Variants in WWOX observed in about 807,000 individuals in gnomAD.
WWOX encodes the protein WW domain containing oxidoreductase, also known as WW domain-containing oxidoreductase.
Under a neutral mutation model 46.2 loss-of-function variants are expected in WWOX, and 69 were observed. The ratio of observed to expected loss-of-function variants is 1.49; its 90% CI spans 1.23 to 1.82. The LOEUF (loss-of-function observed/expected upper bound fraction) is 1.82, where lower values mean the gene tolerates loss of function less well. Among genes scored for constraint, WWOX ranks in the 40% most tolerant of loss-of-function variants. WWOX has a pLI of 0.00. For synonymous variants in WWOX, 359 were observed against 202.6 expected (o/e 1.77, Z -6.56); for missense variants, 919 against 542.6 (o/e 1.69, Z -6.89).
At chr16:79,154,631 TA>T (rs1198263513) in intron 8 of WWOX, among the ~76,000 whole-genome samples, 1 of 152,142 alleles carries the variant, frequency 6.6e-6, no homozygotes, top group East Asian at 1.9e-4. Context: ...TTGCAACATT[TA>T]AAAAAAATAC....
intron 8 of WWOX, among the ~76,000 whole-genome samples, chr16:79,150,016 A>G (rs1008254212): frequency 1.3e-5 from 2 of 152,206 alleles, no homozygotes; most frequent in African/African-American, 4.8e-5. Context: ...ATGGGAACCT[A>G]AGAAGGAAAT....
intron 8 of WWOX, among the ~76,000 whole-genome samples, chr16:78,613,426 G>T (rs1310271789): frequency 2.0e-5 from 3 of 152,094 alleles, no homozygotes; most frequent in Non-Finnish European, 2.9e-5. Context: ...AAACCAGATT[G>T]GTGTCTATGA....
chr16:79,060,260 G>T (rs1456200732), intron 8 of WWOX, among the ~76,000 whole-genome samples: 1 of 152,170 alleles, frequency 6.6e-6, no homozygotes, highest in African/African-American at 2.4e-5. Flanking sequence ...AAATAGTTTT[G>T]GAAATTGCAA....
intron 8 of WWOX, among the ~76,000 whole-genome samples, chr16:78,522,305 C>T: frequency 6.6e-6 from 1 of 151,970 alleles, no homozygotes; most frequent in East Asian, 1.9e-4. Context: ...CACCATTTTG[C>T]TTAATTGAAG....
intron 6 of WWOX, among the ~76,000 whole-genome samples, chr16:78,402,109 A>T (rs955247604): frequency 2.0e-5 from 3 of 152,218 alleles, no homozygotes; most frequent in Non-Finnish European, 4.4e-5. Flanking sequence ...CCAAAAAGAA[A>T]TCTCATAACA....
chr16:78,769,886 T>C (rs2050022555), intron 8 of WWOX, among the ~76,000 whole-genome samples: 1 of 151,560 alleles, frequency 6.6e-6, no homozygotes, highest in Non-Finnish European at 1.5e-5. Flanking sequence ...TAAAAATAAA[T>C]AAAAAGTAGT....
At chr16:79,073,841 G>A (rs2048598022) in intron 8 of WWOX, among the ~76,000 whole-genome samples, 2 of 152,222 alleles carry the variant, frequency 1.3e-5, no homozygotes, top group South Asian at 2.1e-4. Flanking sequence ...GTAACTATTT[G>A]TCAAAATTAA....
intron 8 of WWOX, among the ~76,000 whole-genome samples, chr16:78,792,508 G>C (rs1445591517): frequency 6.6e-6 from 1 of 152,210 alleles, no homozygotes; most frequent in Admixed American, 6.5e-5. Context: ...GGTGCTGCAA[G>C]TCTGCACGGC....
chr16:78,169,313 T>C (rs1234259874), intron 5 of WWOX, among the ~76,000 whole-genome samples: 1 of 152,186 alleles, frequency 6.6e-6, no homozygotes, highest in African/African-American at 2.4e-5. Context: ...GGAATCCATG[T>C]GAGTTCTCTA....
chr16:78,773,187 A>C (rs779950220), intron 8 of WWOX, among the ~76,000 whole-genome samples: 1 of 152,200 alleles, frequency 6.6e-6, no homozygotes, highest in Non-Finnish European at 1.5e-5. Context: ...AACAGTGCCT[A>C]AACATTTGTT....
intron 8 of WWOX, among the ~76,000 whole-genome samples, chr16:78,863,721 C>T (rs78346572): frequency 1.3e-5 from 2 of 152,182 alleles, no homozygotes; most frequent in Non-Finnish European, 2.9e-5. Context: ...GCAAAACAAA[C>T]AAATGAATAA....
At chr16:79,039,300 C>T (rs918672453) in intron 8 of WWOX, among the ~76,000 whole-genome samples, 1 of 152,024 alleles carries the variant, frequency 6.6e-6, no homozygotes, top group African/African-American at 2.4e-5. Context: ...CCTTGGATTG[C>T]CTCCTCTCCT....
chr16:78,170,535 A>G (rs1327642336), intron 5 of WWOX, among the ~76,000 whole-genome samples: 2 of 152,196 alleles, frequency 1.3e-5, no homozygotes, highest in Non-Finnish European at 2.9e-5. Context: ...TCTAGGGCAG[A>G]TGTTTATCAG....
intron 8 of WWOX, among the ~76,000 whole-genome samples, chr16:78,868,171 G>A (rs1218265824): frequency 3.9e-5 from 6 of 152,088 alleles, no homozygotes; most frequent in South Asian, 2.1e-4. Flanking sequence ...GTAGTCTATC[G>A]ACACAATGGA....
intron 5 of WWOX, among the ~76,000 whole-genome samples, chr16:78,370,766 TA>T (rs1219066901): frequency 1.6e-5 from 2 of 121,694 alleles, no homozygotes; most frequent in Non-Finnish European, 3.4e-5. Flanking sequence ...TTTTAAACTT[TA>T]AACTTTTTTT....
intron 5 of WWOX, among the ~76,000 whole-genome samples, chr16:78,196,446 GC>G (rs1248912092): frequency 3.4e-4 from 52 of 152,290 alleles, no homozygotes; most frequent in African/African-American, 1.1e-3. Flanking sequence ...AATCTGAGCT[GC>G]TTTTTAAAGA....
rs537975008 is a variant in WWOX, at chr16:79,002,908, C to T, written c.1057-208700C>T. On this transcript the variant is annotated intron_variant, in intron 8 of 8. Coordinates refer to ENST00000566780, the MANE Select transcript of WWOX (RefSeq NM_016373.4). Reference sequence around the variant, plus strand: ...ATGTCAAGGGAGACTGCCTGTACTCCGTAATGCAGAAATGCATTAGAGCTC... The same window carrying T: ...ATGTCAAGGGAGACTGCCTGTACTCTGTAATGCAGAAATGCATTAGAGCTC... Among the ~76,000 whole-genome samples the T allele has an allele frequency of 1.1e-4, 16 of 152,264 alleles. No homozygotes were observed. The South Asian group carries it at 2.9e-3, about 28-fold the overall frequency.
intron 8 of WWOX, among the ~76,000 whole-genome samples, chr16:78,947,301 T>G (rs2045968310): frequency 6.6e-6 from 1 of 152,218 alleles, no homozygotes; most frequent in African/African-American, 2.4e-5. Context: ...CCTGAAGCAA[T>G]AAAGGCAGGA....
chr16:79,056,989 G>C (rs991454878), intron 8 of WWOX, among the ~76,000 whole-genome samples: 3 of 152,142 alleles, frequency 2.0e-5, no homozygotes, highest in African/African-American at 7.2e-5. Flanking sequence ...AAATGTCATT[G>C]GCATTATCGT....
Sources: allele counts gnomAD v4.1 joint callset (sites outside exome capture counted in the v4.1 genomes callset), GRCh38; gene constraint gnomAD v4.1.1; transcripts MANE v1.5; gene names NCBI Gene and HGNC (gene_info 2026-07-23, HGNC 2026-07-21).